Variants in ACOT9 observed in about 807,000 individuals in gnomAD.
ACOT9 encodes acyl-CoA thioesterase 9.
ACOT9 carries 34 observed loss-of-function variants against 39.7 expected under a neutral mutation model. The observed-to-expected ratio is 0.86, with a 90% CI of 0.65 to 1.14. The LOEUF (loss-of-function observed/expected upper bound fraction) is 1.14, where lower values mean the gene tolerates loss of function less well. Among genes scored for constraint, ACOT9 ranks in the 50% most tolerant of loss-of-function variants. ACOT9 has a pLI of 0.00. For synonymous variants in ACOT9, 110 were observed against 120.5 expected, an observed-to-expected ratio of 0.91 and a Z score of 0.57; for missense variants, 313 against 344.1, an observed-to-expected ratio of 0.91 and a Z score of 0.71.
At position 23,714,153 on chromosome X, in the gene ACOT9, C is replaced by T. The variant is rs765603536; in HGVS notation, c.589-945G>A. 1.4e-4 allele frequency among the ~76,000 whole-genome samples: 16 copies of T among 111,413 alleles called. No individual in the cohort carries two copies. The South Asian group carries it at 3.8e-3, about 26-fold the overall frequency. On this transcript the variant is annotated intron_variant, in intron 8 of 15. Coordinates refer to ENST00000379303, the MANE Select transcript of ACOT9 (RefSeq NM_001037171.2). ...CAAGGGTCACAGAGAGTATCATCAG[C>T]GTTTAATTTGCCTGCTTTCCTCAGA...
chrX:23,708,659 AATCCT>A (rs1928791678), intron 9 of ACOT9, among the ~76,000 whole-genome samples: 1 of 112,351 alleles, frequency 8.9e-6, no homozygotes, highest in Non-Finnish European at 1.9e-5. Flanking sequence ...TGCAATATAC[AATCCT>A]TGATGGATTG....
At position 23,734,368 on chromosome X, in the gene ACOT9, C is replaced by T; in HGVS notation, c.119-1G>A. On this transcript the variant is annotated splice_acceptor_variant, in intron 2 of 15. Transcript: ENST00000379303. LOFTEE classifies it high-confidence loss of function. ...TGATTCACATGTATAGATGAACATGCTATATGAATAAAGGGAAAATCAATT... is the reference window on the plus strand; with the variant it reads ...TGATTCACATGTATAGATGAACATGTTATATGAATAAAGGGAAAATCAATT... 1 of 1,180,351 alleles carries T rather than the reference C, an allele frequency of 8.5e-7. No individual in the cohort carries two copies. The highest frequency in any genetic ancestry group is 1.1e-6 in the Non-Finnish European group (1 of 875,092).
intron 10 of ACOT9, among the ~76,000 whole-genome samples, chrX:23,707,388 T>C (rs1251424490): frequency 9.0e-6 from 1 of 111,278 alleles, no homozygotes; most frequent in Non-Finnish European, 1.9e-5. Flanking sequence ...ATTCAAAGTA[T>C]GGACTCCAAA....
intron 9 of ACOT9, among the ~76,000 whole-genome samples, chrX:23,711,957 AAAAC>A (rs750705347): frequency 4.5e-5 from 5 of 112,291 alleles, no homozygotes; most frequent in South Asian, 3.6e-4. Flanking sequence ...ACAAGATCAA[AAAAC>A]AAACAAACAA....
At position 23,702,182 on chromosome X, in the gene ACOT9, C is replaced by T. The variant is rs1928504883; in HGVS notation, c.*1712G>A. 9.1e-6 allele frequency: 1 copy of T among 109,951 alleles called. No homozygotes were observed. The highest frequency in any genetic ancestry group is 3.3e-5 in the African/African-American group (1 of 30,276). 9.1% of individuals were successfully genotyped at this position (109,951 alleles called of 1,213,427 possible). On this transcript the variant is annotated 3_prime_UTR_variant, in exon 16 of 16. Transcript: ENST00000379303. ...AAATATTGCTTCCTTCTTGGGAGGA[C>T]TTTTTTCAGAGATTATTTTTTCTTC... is the stretch of plus-strand genomic sequence containing the variant.
At chrX:23,727,095 C>T (rs1178558544) in intron 6 of ACOT9, among the ~76,000 whole-genome samples, 3 of 112,543 alleles carry the variant, frequency 2.7e-5, no homozygotes, top group African/African-American at 6.4e-5. Flanking sequence ...ACTGGGATTA[C>T]AGGCGTAAGC....
At chrX:23,731,092 T>C in intron 4 of ACOT9, 106 bp from the exon 5 acceptor site, 2 of 622,056 alleles carry the variant, frequency 3.2e-6, no homozygotes, top group Non-Finnish European at 4.7e-6. Flanking sequence ...AAAGAAGGTC[T>C]GGGCCTACTT....
chrX:23,707,089 G>A (rs775179338), intron 10 of ACOT9: 1 of 130,197 alleles, frequency 7.7e-6, no homozygotes, highest in Non-Finnish European at 1.5e-5. Flanking sequence ...TTGAGTCCAG[G>A]AGTTCAAGAC....
At chrX:23,738,024 C>T (rs1486672173) in intron 1 of ACOT9, among the ~76,000 whole-genome samples, 1 of 106,596 alleles carries the variant, frequency 9.4e-6, no homozygotes, top group Non-Finnish European at 1.9e-5. Context: ...GCCGCCACCG[C>T]GCCCGGCTAA....
At chrX:23,725,231 G>A (rs1415734765) in intron 6 of ACOT9, among the ~76,000 whole-genome samples, 1 of 110,405 alleles carries the variant, frequency 9.1e-6, no homozygotes, top group Non-Finnish European at 1.9e-5. Context: ...AGCACTTTGG[G>A]AGGCCGAGGT....
intron 8 of ACOT9, among the ~76,000 whole-genome samples, chrX:23,720,868 C>T (rs1490724508): frequency 9.0e-6 from 1 of 111,113 alleles, no homozygotes; most frequent in Non-Finnish European, 1.9e-5. Flanking sequence ...GTCATATTTA[C>T]ATAAAACCTA....
intron 8 of ACOT9, among the ~76,000 whole-genome samples, chrX:23,721,460 G>GT (rs11454533): frequency 0.32 from 34,569 of 109,479 alleles, 4,313 homozygotes; most frequent in East Asian, 0.44. Flanking sequence ...ATTTTTCACT[G>GT]TTTTTTTCCA....
At position 23,703,958 on chromosome X, in the gene ACOT9, T is replaced by C. The variant is rs1276318446; in HGVS notation, c.1283A>G (p.Gln428Arg). 5 of 1,208,908 alleles carry C rather than the reference T, an allele frequency of 4.1e-6. No individual in the cohort carries two copies. Among genetic ancestry groups the C allele is most frequent in the Non-Finnish European group, 5.6e-6 (5 of 894,593 alleles). The change falls in exon 16 of 16, where the codon CAG (glutamine) becomes CGG (arginine). Residue 428 changes from glutamine to arginine, a missense_variant. Physicochemically the swap from Gln to Arg is conservative, Grantham distance 43. Coordinates refer to ENST00000379303, the MANE Select transcript of ACOT9 (RefSeq NM_001037171.2). ...YGESMLYLDG[Q>R]RHFNSMSGPA... Reference sequence around the variant, plus strand: ...GCCACTCATGGAGTTGAAATGCCGCTGCCCATCTAAGTACAACATGGACTC... The same window carrying C: ...GCCACTCATGGAGTTGAAATGCCGCCGCCCATCTAAGTACAACATGGACTC...
Position 23,708,412 on chromosome X carries a change from C to T in ACOT9, c.663-468G>A, listed in dbSNP as rs756821515. ...GGGCGTGGTGGCACATGCCTGTAATCCCAGCTACTCGGGAGGCTGAGGCAG... is the reference window on the plus strand; with the variant it reads ...GGGCGTGGTGGCACATGCCTGTAATTCCAGCTACTCGGGAGGCTGAGGCAG... On this transcript the variant is annotated intron_variant, in intron 9 of 15. Transcript: ENST00000379303. Among the ~76,000 whole-genome samples the T allele has an allele frequency of 2.1e-3, 232 of 111,033 alleles. 1 individual carries two copies. Among genetic ancestry groups the T allele is most frequent in the Non-Finnish European group, 3.6e-3 (188 of 52,884 alleles).
At chrX:23,736,955 T>G in intron 1 of ACOT9, among the ~76,000 whole-genome samples, 1 of 112,069 alleles carries the variant, frequency 8.9e-6, no homozygotes, top group Middle Eastern at 4.6e-3. Context: ...ACACAGGCAA[T>G]ATCACAGATT....
intron 2 of ACOT9, among the ~76,000 whole-genome samples, chrX:23,735,067 G>A (rs1268769950): frequency 9.7e-6 from 1 of 103,308 alleles, no homozygotes; most frequent in African/African-American, 3.5e-5. Context: ...GAGGCCAGGA[G>A]TTCAAGACCA....
intron 8 of ACOT9, among the ~76,000 whole-genome samples, chrX:23,720,447 C>T (rs1347698218): frequency 9.0e-6 from 1 of 111,227 alleles, no homozygotes; most frequent in Admixed American, 9.7e-5. Context: ...GCCGGAGTAG[C>T]GTGGGCCCTT....
chrX:23,721,764 T>C (rs1929326387), intron 8 of ACOT9, 117 bp downstream of exon 8: 2 of 519,371 alleles, frequency 3.9e-6, no homozygotes, highest in South Asian at 7.7e-5. Context: ...TTCAACTGTT[T>C]TTCTAGAAGC....
chrX:23,735,765 C>T, intron 2 of ACOT9, 154 bp downstream of exon 2: 1 of 420,531 alleles, frequency 2.4e-6, no homozygotes, highest in Non-Finnish European at 4.0e-6. Context: ...TAATATTATG[C>T]AGCTATCCTG....
Sources: allele counts gnomAD v4.1 joint callset (sites outside exome capture counted in the v4.1 genomes callset), GRCh38; gene constraint gnomAD v4.1.1; transcripts MANE v1.5; gene names NCBI Gene and HGNC (gene_info 2026-07-23, HGNC 2026-07-21).